The following PYROXD2 variants were observed in gnomAD, a reference collection of about 807,000 sequenced individuals.
The protein encoded by PYROXD2 is pyridine nucleotide-disulphide oxidoreductase domain 2.
Under a neutral mutation model 71.1 loss-of-function variants are expected in PYROXD2, and 69 were observed. That is an observed-to-expected ratio of 0.97 (90% CI 0.80 to 1.19). The LOEUF is 1.19. Ranked by LOEUF, PYROXD2 falls within the 50% of genes most tolerant of loss-of-function variation. The pLI is 0.00. For synonymous variants in PYROXD2, 287 were observed against 302.7 expected, an observed-to-expected ratio of 0.95 and a Z score of 0.54; for missense variants, 745 against 748.9, an observed-to-expected ratio of 0.99 and a Z score of 0.06.
At chr10:98,388,088 T>C in intron 13 of PYROXD2, 2 of 444,894 alleles carry the variant, frequency 4.5e-6, no homozygotes, top group Non-Finnish European at 4.1e-6. Context: ...AGCTGTGCTG[T>C]AATAAAAGGT....
At chr10:98,389,020 C>T (rs2135929918) in intron 12 of PYROXD2, among the ~76,000 whole-genome samples, 1 of 152,284 alleles carries the variant, frequency 6.6e-6, no homozygotes, top group African/African-American at 2.4e-5. Context: ...GGAGCATGTT[C>T]TCCCTCTGAT....
chr10:98,384,099 AC>A (rs1324164745), intron 15 of PYROXD2, among the ~76,000 whole-genome samples: 1 of 151,246 alleles, frequency 6.6e-6, no homozygotes, highest in Non-Finnish European at 1.5e-5. Flanking sequence ...CACAGTCTCA[AC>A]GGCTGAGGGT....
At chr10:98,395,958 A>C (rs572163038) in intron 6 of PYROXD2, among the ~76,000 whole-genome samples, 1 of 152,324 alleles carries the variant, frequency 6.6e-6, no homozygotes, top group South Asian at 2.1e-4. Flanking sequence ...CTCTAGCCTT[A>C]CAGCCCCTGG....
Position 98,397,426 on chromosome 10 carries a change from CG to C in PYROXD2, c.543del (p.Val182TrpfsTer15). The C allele has an allele frequency of 1.2e-6, 2 of 1,613,396 alleles. No homozygotes were observed. The highest frequency in any genetic ancestry group is 1.1e-5 in the South Asian group (1 of 90,954). ...LAIDPLLDAA[P>X]VDMAAFQHGS... is the part of the protein sequence containing the mutation. ...CCATGCTGGAAGGCCGCCATGTCCACGGGGGCCGCATCCAGCAGAGGGTCAA... is the reference window on the plus strand; with the variant it reads ...CCATGCTGGAAGGCCGCCATGTCCACGGGGCCGCATCCAGCAGAGGGTCAA... On this transcript the variant is annotated frameshift_variant, in exon 6 of 16. Transcript: ENST00000370575. LOFTEE classifies it high-confidence loss of function.
At chr10:98,390,775 G>T (rs1269263338) in intron 11 of PYROXD2, 21 bp from the exon 12 acceptor site, 2 of 1,562,760 alleles carry the variant, frequency 1.3e-6, no homozygotes, top group East Asian at 4.5e-5. Context: ...AAAGAGGAGG[G>T]TCAGGTCTTA....
chr10:98,409,391 G>A (rs369808508), intron 2 of PYROXD2, among the ~76,000 whole-genome samples: 2 of 152,092 alleles, frequency 1.3e-5, no homozygotes, highest in African/African-American at 2.4e-5. Context: ...CCCTATTTTC[G>A]TAGGCCTTCC....
intron 13 of PYROXD2, 92 bp downstream of exon 13, chr10:98,388,262 T>A (rs1250656634): frequency 1.5e-6 from 2 of 1,323,072 alleles, no homozygotes; most frequent in Non-Finnish European, 2.2e-6. Context: ...CCTGCAGTTG[T>A]CAATCCTGAA....
chr10:98,397,566 C>T (rs905166920), intron 5 of PYROXD2, 68 bp from the exon 6 acceptor site: 2 of 1,457,490 alleles, frequency 1.4e-6, no homozygotes, highest in Non-Finnish European at 1.8e-6. Context: ...CCCCAGATGG[C>T]CTGTCACCCC....
At chr10:98,406,754 G>A (rs115966310) in intron 4 of PYROXD2, among the ~76,000 whole-genome samples, 2,612 of 151,954 alleles carry the variant, frequency 0.017, 79 homozygotes, top group African/African-American at 0.058. Flanking sequence ...TTTGCCTGGC[G>A]TGGTGGTAGC....
At chr10:98,411,069 T>C (rs1590980911) in intron 1 of PYROXD2, 111 bp from the exon 2 acceptor site, 8 of 1,478,268 alleles carry the variant, frequency 5.4e-6, no homozygotes, top group Non-Finnish European at 7.3e-6. Context: ...ATGAAGATCC[T>C]TGGTGACCCT....
At chr10:98,401,857 A>C (rs1400595480) in intron 4 of PYROXD2, among the ~76,000 whole-genome samples, 4 of 152,168 alleles carry the variant, frequency 2.6e-5, no homozygotes, top group Non-Finnish European at 5.9e-5. Context: ...CTTTTGCTGG[A>C]TACCTCCTGA....
intron 8 of PYROXD2, among the ~76,000 whole-genome samples, chr10:98,394,549 C>T (rs904656616): frequency 6.7e-6 from 1 of 149,960 alleles, no homozygotes; most frequent in Non-Finnish European, 1.5e-5. Flanking sequence ...TCCCAACACA[C>T]ACACACACAC....
chr10:98,387,822 C>T (rs914672285), intron 13 of PYROXD2: 39 of 175,926 alleles, frequency 2.2e-4, no homozygotes, highest in African/African-American at 8.7e-4. Context: ...TTAGTAGCTA[C>T]GGGGTTTCAC....
chr10:98,390,422 TCA>T (rs1223472077), intron 12 of PYROXD2, among the ~76,000 whole-genome samples, 174 bp downstream of exon 12: 7 of 152,142 alleles, frequency 4.6e-5, no homozygotes, highest in Admixed American at 3.9e-4. Flanking sequence ...GCCCTCATCC[TCA>T]GATTTTTCAC....
At chr10:98,391,854 G>A (rs1439541931) in intron 10 of PYROXD2, among the ~76,000 whole-genome samples, 2 of 152,072 alleles carry the variant, frequency 1.3e-5, no homozygotes, top group African/African-American at 2.4e-5. Flanking sequence ...CAGCAGAAAC[G>A]GTCCTGGACC....
At chr10:98,395,533 G>A in intron 6 of PYROXD2, 81 bp from the exon 7 acceptor site, 1 of 1,272,564 alleles carries the variant, frequency 7.9e-7, no homozygotes, top group Non-Finnish European at 1.1e-6. Context: ...ATAAAAGCAT[G>A]GAGGATGCTG....
At chr10:98,410,899 C>T in intron 2 of PYROXD2, 40 bp downstream of exon 2, 1 of 1,558,124 alleles carries the variant, frequency 6.4e-7, no homozygotes, top group Non-Finnish European at 8.7e-7. Context: ...AGCCACACGC[C>T]CAGGGCCAGT....
In PYROXD2 at chr10:98,400,157, G is replaced by A. The variant is rs560764481; in HGVS notation, c.416C>T (p.Thr139Ile). ...SKVPRCLLLG[T>I]DMAENQKQIA... The stretch of plus-strand genomic sequence containing the variant: ...CTGCTTCTGGTTTTCTGCCATGTCT[G>A]TGCCCAGCAGAAGGCACCTGGGCAC... Residue 139 changes from threonine to isoleucine, a missense_variant, in exon 5 of 16, where the codon ACA becomes ATA. Transcript: ENST00000370575. The A allele has an allele frequency of 1.5e-5, 24 of 1,613,906 alleles. 1 individual carries two copies. The East Asian group carries it at 3.3e-4, about 22-fold the overall frequency.
chr10:98,398,594 C>T (rs1329075207), intron 5 of PYROXD2, among the ~76,000 whole-genome samples: 1 of 152,182 alleles, frequency 6.6e-6, no homozygotes, highest in Admixed American at 6.5e-5. Context: ...TTTAATATGA[C>T]AGCATGGAAA....
Sources: allele counts gnomAD v4.1 joint callset (sites outside exome capture counted in the v4.1 genomes callset), GRCh38; gene constraint gnomAD v4.1.1; transcripts MANE v1.5; gene names NCBI Gene and HGNC (gene_info 2026-07-23, HGNC 2026-07-21).